DCAF8L2: variants seen among roughly 807,000 people sequenced by gnomAD.
DCAF8L2 encodes DDB1- and CUL4-associated factor 8-like protein 2.
For synonymous variants in DCAF8L2, 200 were observed against 190.9 expected (o/e 1.05, Z -0.39); for missense variants, 430 against 490.7 (o/e 0.88, Z 1.17).
At chrX:27,545,583 C>T in the DCAF8L2 span, among the ~76,000 whole-genome samples, 5 of 111,376 alleles carry the variant, frequency 4.5e-5, no homozygotes, top group African/African-American at 6.5e-5. Flanking sequence ...ATCATCGGAG[C>T]GGATTTCCCC....
At chrX:27,728,216 C>T (rs772617566) in intron 4 of DCAF8L2, among the ~76,000 whole-genome samples, 1 of 111,486 alleles carries the variant, frequency 9.0e-6, no homozygotes, top group East Asian at 2.8e-4. Context: ...CTCCCTTTTA[C>T]CCCCTGCGTG....
chrX:27,653,647 G>C (rs780324073), intron 2 of DCAF8L2, among the ~76,000 whole-genome samples: 1 of 108,091 alleles, frequency 9.3e-6, no homozygotes, highest in South Asian at 4.0e-4. Context: ...ACTCAATCCA[G>C]CTCCAAATAA....
intron 2 of DCAF8L2, among the ~76,000 whole-genome samples, chrX:27,643,919 A>T (rs1192501584): frequency 1.8e-5 from 2 of 111,739 alleles, no homozygotes; most frequent in Non-Finnish European, 3.8e-5. Flanking sequence ...TTTCCTATAA[A>T]AGGATCTATA....
chrX:27,554,189 G>T, the DCAF8L2 span, among the ~76,000 whole-genome samples: 1 of 111,728 alleles, frequency 9.0e-6, no homozygotes, highest in Non-Finnish European at 1.9e-5. Context: ...GTTGACCCTT[G>T]CATTAAAAAA....
At chrX:27,731,758 C>T (rs946414966) in intron 4 of DCAF8L2, among the ~76,000 whole-genome samples, 1 of 111,359 alleles carries the variant, frequency 9.0e-6, no homozygotes, top group African/African-American at 3.3e-5. Flanking sequence ...TTACATAGTG[C>T]TCACTATGTA....
intron 1 of DCAF8L2, among the ~76,000 whole-genome samples, chrX:27,630,869 G>A (rs771523761): frequency 2.7e-5 from 3 of 111,978 alleles, no homozygotes; most frequent in Non-Finnish European, 5.6e-5. Flanking sequence ...TTGCTGCCTC[G>A]CCACTTGGCA....
the DCAF8L2 span, among the ~76,000 whole-genome samples, chrX:27,584,421 C>T: frequency 3.6e-5 from 4 of 110,208 alleles, no homozygotes; most frequent in Non-Finnish European, 3.8e-5. Flanking sequence ...GTCTTTGATG[C>T]GCCTCTCATA....
the DCAF8L2 span, among the ~76,000 whole-genome samples, chrX:27,584,004 C>G: frequency 8.9e-6 from 1 of 112,051 alleles, no homozygotes; most frequent in Non-Finnish European, 1.9e-5. Flanking sequence ...TCTACATTCT[C>G]TGTGCTTGCA....
chrX:27,717,389 C>T (rs1931737472), intron 4 of DCAF8L2, among the ~76,000 whole-genome samples: 1 of 112,325 alleles, frequency 8.9e-6, no homozygotes, highest in Non-Finnish European at 1.9e-5. Context: ...ACCTCACCAG[C>T]ATCTGTTGTT....
intron 1 of DCAF8L2, among the ~76,000 whole-genome samples, chrX:27,628,730 A>C (rs1248021926): frequency 9.1e-6 from 1 of 109,746 alleles, no homozygotes; most frequent in Non-Finnish European, 1.9e-5. Context: ...CAGCCTCCAG[A>C]GTAGCTGGGA....
intron 1 of DCAF8L2, among the ~76,000 whole-genome samples, chrX:27,613,752 A>G (rs7888928): frequency 0.43 from 47,268 of 109,585 alleles, 8,607 homozygotes; most frequent in African/African-American, 0.67. Context: ...GATGGATTAC[A>G]TTTATTGATT....
At chrX:27,741,951 C>T (rs1258723522) in intron 4 of DCAF8L2, among the ~76,000 whole-genome samples, 3 of 111,880 alleles carry the variant, frequency 2.7e-5, no homozygotes, top group Non-Finnish European at 5.6e-5. Context: ...ATTATTTAAC[C>T]TAGGCTAGCT....
intron 1 of DCAF8L2, among the ~76,000 whole-genome samples, chrX:27,618,508 A>G (rs182003134): frequency 3.5e-4 from 39 of 111,957 alleles, no homozygotes; most frequent in Admixed American, 2.4e-3. Flanking sequence ...ACAAGTAGCT[A>G]TGGCACCTTT....
chrX:27,540,744 T>C, the DCAF8L2 span, among the ~76,000 whole-genome samples: 3 of 111,981 alleles, frequency 2.7e-5, no homozygotes, highest in African/African-American at 9.7e-5. Context: ...ACAAATGAAA[T>C]GATAAATGTT....
At chrX:27,684,936 T>A (rs761770961) in intron 3 of DCAF8L2, among the ~76,000 whole-genome samples, 1 of 111,658 alleles carries the variant, frequency 9.0e-6, no homozygotes, top group Non-Finnish European at 1.9e-5. Flanking sequence ...TATCTATCTT[T>A]ACATTTTTCC....
chrX:27,504,574 A>G, the DCAF8L2 span, among the ~76,000 whole-genome samples: 1 of 111,407 alleles, frequency 9.0e-6, no homozygotes, highest in Non-Finnish European at 1.9e-5. Flanking sequence ...AGGGAAATGG[A>G]TAGAAGTCCT....
At chrX:27,578,717 AC>A in the DCAF8L2 span, among the ~76,000 whole-genome samples, 1 of 111,529 alleles carries the variant, frequency 9.0e-6, no homozygotes, top group South Asian at 3.8e-4. Context: ...CAAGAAAAAA[AC>A]AACCCCATTA....
chrX:27,512,778 G>GAAAAAA, the DCAF8L2 span, among the ~76,000 whole-genome samples: 1 of 2,523 alleles, frequency 4.0e-4, no homozygotes, highest in East Asian at 0.029. Context: ...ACAATCTTGA[G>GAAAAAA]CAAAAAAAAA....
the DCAF8L2 span, among the ~76,000 whole-genome samples, chrX:27,576,004 G>C: frequency 8.9e-6 from 1 of 111,873 alleles, no homozygotes; most frequent in Non-Finnish European, 1.9e-5. Context: ...AAAGATCTGG[G>C]TGAAACAGTA....
Sources: allele counts gnomAD v4.1 joint callset (sites outside exome capture counted in the v4.1 genomes callset), GRCh38; gene constraint gnomAD v4.1.1; transcripts MANE v1.5; gene names NCBI Gene and HGNC (gene_info 2026-07-23, HGNC 2026-07-21).